OTUD7B: variants seen among roughly 807,000 people sequenced by gnomAD.
OTUD7B encodes OTU deubiquitinase 7B, also known as OTU domain-containing protein 7B.
OTUD7B carries 34 observed loss-of-function variants against 82.2 expected under a neutral mutation model. The ratio of observed to expected loss-of-function variants is 0.41; its 90% CI spans 0.31 to 0.55. The LOEUF (loss-of-function observed/expected upper bound fraction) is 0.55, where lower values mean the gene tolerates loss of function less well. Among genes scored for constraint, OTUD7B ranks in the 20% least tolerant of loss-of-function variants. OTUD7B has a pLI of 0.20. For missense variants in OTUD7B, 944 were observed against 1,062.1 expected, an observed-to-expected ratio of 0.89 and a Z score of 1.55; for synonymous variants, 398 against 402.7, an observed-to-expected ratio of 0.99 and a Z score of 0.14.
intron 7 of OTUD7B, among the ~76,000 whole-genome samples, chr1:149,952,582 G>A (rs587660649): frequency 6.7e-4 from 102 of 152,296 alleles, no homozygotes; most frequent in South Asian, 1.2e-3. Flanking sequence ...GGATGGCTAC[G>A]TCAAATGGGA....
intron 1 of OTUD7B, among the ~76,000 whole-genome samples, chr1:149,984,395 A>G (rs1650993531): frequency 6.6e-6 from 1 of 152,214 alleles, no homozygotes; most frequent in African/African-American, 2.4e-5. Flanking sequence ...ACTGGCTTAT[A>G]TATAAGATGA....
At chr1:150,057,843 G>A in the OTUD7B span, among the ~76,000 whole-genome samples, 1 of 152,194 alleles carries the variant, frequency 6.6e-6, no homozygotes, top group Non-Finnish European at 1.5e-5. Context: ...CTTACTCTAA[G>A]AATGTAGAGA....
chr1:150,060,716 A>G, the OTUD7B span, among the ~76,000 whole-genome samples: 1 of 152,332 alleles, frequency 6.6e-6, no homozygotes, highest in African/African-American at 2.4e-5. Flanking sequence ...AATATTTATT[A>G]TGCAGTAAGA....
chr1:149,951,780 A>T (rs944308733), intron 7 of OTUD7B, among the ~76,000 whole-genome samples: 47 of 152,210 alleles, frequency 3.1e-4, no homozygotes, highest in Admixed American at 2.4e-3. Flanking sequence ...TATAATTTTT[A>T]ACCATTATGG....
chr1:150,023,265 A>C, the OTUD7B span, among the ~76,000 whole-genome samples: 1 of 152,216 alleles, frequency 6.6e-6, no homozygotes, highest in Non-Finnish European at 1.5e-5. Context: ...AATTACCATA[A>C]AATCCAGCAA....
At chr1:149,975,191 A>G (rs1650223132) in intron 2 of OTUD7B, among the ~76,000 whole-genome samples, 1 of 152,134 alleles carries the variant, frequency 6.6e-6, no homozygotes, top group Admixed American at 6.5e-5. Context: ...CTTGTCCTTC[A>G]GGGCTCAGCT....
intron 1 of OTUD7B, among the ~76,000 whole-genome samples, chr1:149,994,602 A>AC (rs1651805800): frequency 6.9e-6 from 1 of 145,698 alleles, no homozygotes; most frequent in South Asian, 2.3e-4. Flanking sequence ...AAAAAAAAAA[A>AC]AAAACCCAAT....
At chr1:149,992,118 A>AAG (rs1651608616) in intron 1 of OTUD7B, among the ~76,000 whole-genome samples, 1 of 152,058 alleles carries the variant, frequency 6.6e-6, no homozygotes, top group East Asian at 1.9e-4. Flanking sequence ...CCAGCTACTC[A>AAG]GGAGGCTGAG....
intron 1 of OTUD7B, among the ~76,000 whole-genome samples, chr1:149,995,591 C>CA (rs1462691519): frequency 0.29 from 895 of 3,090 alleles, 13 homozygotes; most frequent in African/African-American, 0.42. Context: ...AAAAACAAAA[C>CA]AAAACAAAAA....
At chr1:150,051,229 C>CA in the OTUD7B span, among the ~76,000 whole-genome samples, 916 of 96,954 alleles carry the variant, frequency 9.4e-3, 63 homozygotes, top group African/African-American at 0.029. Flanking sequence ...GACTTCGCCT[C>CA]AAAAAAAAAA....
At chr1:149,946,790 C>CACT (rs1313077047) in intron 11 of OTUD7B, among the ~76,000 whole-genome samples, 2 of 137,596 alleles carry the variant, frequency 1.5e-5, no homozygotes, top group African/African-American at 2.8e-5. Context: ...CGGTGGCTCA[C>CACT]ACTTGTAATC....
chr1:149,999,067 C>T (rs1481134271), intron 1 of OTUD7B, among the ~76,000 whole-genome samples: 2 of 152,146 alleles, frequency 1.3e-5, no homozygotes, highest in Admixed American at 6.5e-5. Flanking sequence ...TTGGCATCTC[C>T]TTAGTGCATT....
intron 1 of OTUD7B, among the ~76,000 whole-genome samples, chr1:150,008,187 A>AT (rs1652792367): frequency 6.6e-6 from 1 of 152,152 alleles, no homozygotes; most frequent in African/African-American, 2.4e-5. Flanking sequence ...AACCCCTTTG[A>AT]TCCCCATGCC....
At chr1:149,960,759 T>C (rs782587095) in intron 6 of OTUD7B, among the ~76,000 whole-genome samples, 5 of 151,876 alleles carry the variant, frequency 3.3e-5, no homozygotes, top group African/African-American at 4.8e-5. Context: ...CCTCAAACTC[T>C]GTAAAGTCAA....
At chr1:149,957,830 C>T (rs1369660638) in intron 7 of OTUD7B, among the ~76,000 whole-genome samples, 5 of 152,212 alleles carry the variant, frequency 3.3e-5, no homozygotes, top group East Asian at 3.8e-4. Context: ...TGGGACCCTC[C>T]GAGCCAGGCA....
chr1:150,006,274 G>T (rs1178859653), intron 1 of OTUD7B, among the ~76,000 whole-genome samples: 1 of 152,106 alleles, frequency 6.6e-6, no homozygotes, highest in Admixed American at 6.6e-5. Context: ...TGGCTAACAC[G>T]GTGAAACCCC....
chr1:150,043,841 T>C, the OTUD7B span, among the ~76,000 whole-genome samples: 1 of 152,202 alleles, frequency 6.6e-6, no homozygotes. Context: ...CTAGGCACTA[T>C]GGTTCACGCC....
At chr1:150,043,549 T>A in the OTUD7B span, among the ~76,000 whole-genome samples, 1 of 152,126 alleles carries the variant, frequency 6.6e-6, no homozygotes. Flanking sequence ...ATAGACTTAT[T>A]GTGAATTCGT....
intron 7 of OTUD7B, among the ~76,000 whole-genome samples, chr1:149,951,107 C>T (rs587596560): frequency 9.2e-5 from 14 of 151,384 alleles, no homozygotes; most frequent in Admixed American, 5.3e-4. Context: ...CTCAGCCTCC[C>T]GAGTAGCTGG....
Sources: allele counts gnomAD v4.1 joint callset (sites outside exome capture counted in the v4.1 genomes callset), GRCh38; gene constraint gnomAD v4.1.1; transcripts MANE v1.5; gene names NCBI Gene and HGNC (gene_info 2026-07-23, HGNC 2026-07-21).